Variants in FBXO34 observed in about 807,000 individuals in gnomAD.
The protein encoded by FBXO34 is F-box only protein 34.
FBXO34 carries 12 observed loss-of-function variants against 24.5 expected under a neutral mutation model. That is an observed-to-expected ratio of 0.49 (90% confidence interval 0.31 to 0.79). FBXO34 has a LOEUF of 0.79. FBXO34 is among the 30% of genes least tolerant of loss of function. The probability of loss-of-function intolerance (pLI) is 0.04; values close to 1 mark genes in which losing one functional copy is unlikely to be tolerated. For missense variants in FBXO34, 823 were observed against 857.7 expected, an observed-to-expected ratio of 0.96 and a Z score of 0.51; for synonymous variants, 320 against 311.9, an observed-to-expected ratio of 1.03 and a Z score of -0.27.
chr14:55,346,128 T>C (rs997500037), intron 1 of FBXO34, among the ~76,000 whole-genome samples: 2 of 152,224 alleles, frequency 1.3e-5, no homozygotes, highest in South Asian at 2.1e-4. Context: ...GCCTTCAAAT[T>C]GTATCTTAAT....
intron 1 of FBXO34, among the ~76,000 whole-genome samples, chr14:55,323,472 T>C (rs532098702): frequency 6.6e-6 from 1 of 151,382 alleles, no homozygotes; most frequent in African/African-American, 2.4e-5. Context: ...GGTCTTCGAG[T>C]CTGTGATTCA....
chr14:55,284,298 G>A (rs1467756352), intron 1 of FBXO34, among the ~76,000 whole-genome samples: 1 of 152,108 alleles, frequency 6.6e-6, no homozygotes, highest in Non-Finnish European at 1.5e-5. Flanking sequence ...TAGATCACCT[G>A]AGGTCAGGAG....
intron 1 of FBXO34, among the ~76,000 whole-genome samples, chr14:55,292,451 C>T (rs1881974229): frequency 6.6e-6 from 1 of 152,032 alleles, no homozygotes; most frequent in Non-Finnish European, 1.5e-5. Context: ...CCTCTACCTC[C>T]TAGGCTCAAG....
At chr14:55,299,189 T>A in intron 1 of FBXO34, 1 of 986,400 alleles carries the variant, frequency 1.0e-6, no homozygotes, top group Non-Finnish European at 1.6e-6. Flanking sequence ...TACCAAATGT[T>A]CCCTCTATAG....
At position 55,351,542 on chromosome 14, in the gene FBXO34, A is replaced by G; in HGVS notation, c.1152A>G (p.Ile384Met). Residue 384 changes from isoleucine (I) to methionine (M), a missense_variant, in exon 2 of 2, where the codon ATA becomes ATG. Coordinates refer to ENST00000313833, the MANE Select transcript of FBXO34 (RefSeq NM_017943.4). Reference sequence around the variant, plus strand: ...TGCCAGCAGGAGTGAGTTTCCACATAGACAGTGCAGAGTTAGAGCCGGGTT... The same window carrying G: ...TGCCAGCAGGAGTGAGTTTCCACATGGACAGTGCAGAGTTAGAGCCGGGTT... ...PPLPAGVSFH[I>M]DSAELEPGSQ... 1 of 1,614,144 alleles carries G rather than the reference A, an allele frequency of 6.2e-7. No homozygotes were observed. The highest frequency in any genetic ancestry group is 8.5e-7 in the Non-Finnish European group (1 of 1,180,030).
At chr14:55,432,246 A>AG in the FBXO34 span, among the ~76,000 whole-genome samples, 2 of 13,224 alleles carry the variant, frequency 1.5e-4, no homozygotes, top group African/African-American at 3.7e-4. Flanking sequence ...CCGTCTCTAC[A>AG]AAAAAAAAAA....
chr14:55,346,098 T>C (rs1884151774), intron 1 of FBXO34, among the ~76,000 whole-genome samples: 1 of 152,182 alleles, frequency 6.6e-6, no homozygotes, highest in African/African-American at 2.4e-5. Flanking sequence ...GCTACATGTT[T>C]TATGGTCTTG....
intron 1 of FBXO34, among the ~76,000 whole-genome samples, chr14:55,278,201 C>A (rs1022905910): frequency 1.3e-5 from 2 of 152,126 alleles, no homozygotes; most frequent in African/African-American, 4.8e-5. Context: ...ACAGGAAGTG[C>A]ATGTGAGAGC....
In FBXO34 at chr14:55,278,533, G is replaced by A. The variant is rs547013785; in HGVS notation, c.-11+6996G>A. On this transcript the variant is annotated intron_variant, in intron 1 of 1. Coordinates refer to ENST00000313833, the MANE Select transcript of FBXO34 (RefSeq NM_017943.4). ...CCTTTATTTAATGAGCTCAGCTTCC[G>A]TGGTTTTGGTCCCTTTGTGTTCACA... 9.2e-5 allele frequency among the ~76,000 whole-genome samples: 14 copies of A among 152,244 alleles called. No individual in the cohort carries two copies. In the South Asian group the frequency reaches 1.9e-3, roughly 20 times the overall value.
chr14:55,305,077 C>T (rs906762252), intron 1 of FBXO34, among the ~76,000 whole-genome samples: 2 of 152,068 alleles, frequency 1.3e-5, no homozygotes, highest in African/African-American at 4.8e-5. Flanking sequence ...AAATAAAAAT[C>T]CTAATTAGTG....
At chr14:55,372,351 T>G (rs182529221), downstream of FBXO34, among the ~76,000 whole-genome samples, 1 of 152,146 alleles carries the variant, frequency 6.6e-6, no homozygotes, top group East Asian at 1.9e-4. Context: ...ACGCACCCAC[T>G]AAAAAAGTTC....
intron 1 of FBXO34, among the ~76,000 whole-genome samples, chr14:55,314,310 C>G (rs1882854004): frequency 6.6e-6 from 1 of 152,196 alleles, no homozygotes. Flanking sequence ...TTGTGTTTAT[C>G]AGTTTCTCAC....
At chr14:55,313,524 T>C (rs912234207) in intron 1 of FBXO34, among the ~76,000 whole-genome samples, 1 of 152,220 alleles carries the variant, frequency 6.6e-6, no homozygotes, top group African/African-American at 2.4e-5. Flanking sequence ...ACTGTATTAG[T>C]CTGTTCTCAC....
chr14:55,357,815 T>C (rs975068934), downstream of FBXO34, among the ~76,000 whole-genome samples: 2 of 152,142 alleles, frequency 1.3e-5, no homozygotes, highest in Non-Finnish European at 2.9e-5. Context: ...AATATGAAGA[T>C]GTTGATAAAG....
At chr14:55,374,797 A>T (rs1038904262), downstream of FBXO34, among the ~76,000 whole-genome samples, 6 of 152,214 alleles carry the variant, frequency 3.9e-5, no homozygotes, top group Admixed American at 1.3e-4. Context: ...CTCCTCTATC[A>T]TAAGATTATA....
chr14:55,404,115 A>C, the FBXO34 span, among the ~76,000 whole-genome samples: 1 of 152,202 alleles, frequency 6.6e-6, no homozygotes, highest in Non-Finnish European at 1.5e-5. Context: ...GCTCAAGAGG[A>C]GTTCACAAAT....
At chr14:55,423,607 G>T in the FBXO34 span, among the ~76,000 whole-genome samples, 1 of 152,208 alleles carries the variant, frequency 6.6e-6, no homozygotes, top group Non-Finnish European at 1.5e-5. Context: ...GCTAAGAATG[G>T]TTTTTATCTT....
chr14:55,424,781 G>A, the FBXO34 span, among the ~76,000 whole-genome samples: 1 of 152,088 alleles, frequency 6.6e-6, no homozygotes, highest in Non-Finnish European at 1.5e-5. Flanking sequence ...TACAATTCAG[G>A]ATTTGTTGCT....
At chr14:55,415,475 G>T in the FBXO34 span, among the ~76,000 whole-genome samples, 1 of 152,022 alleles carries the variant, frequency 6.6e-6, no homozygotes, top group African/African-American at 2.4e-5. Flanking sequence ...TTGAAAACAG[G>T]TACTCAAAAA....
Sources: gnomAD v4.1 joint callset for allele counts (sites outside exome capture counted in the v4.1 genomes callset) on GRCh38, gnomAD v4.1.1 for gene constraint, MANE v1.5 for transcripts, NCBI Gene and HGNC (gene_info 2026-07-23, HGNC 2026-07-21) for gene names.